UBE3C: variants seen among roughly 807,000 people sequenced by gnomAD.
UBE3C encodes the protein ubiquitin protein ligase E3C.
UBE3C carries 42 observed loss-of-function variants against 129.4 expected under a neutral mutation model. The observed-to-expected ratio is 0.32, with a 90% confidence interval of 0.25 to 0.42. The LOEUF (loss-of-function observed/expected upper bound fraction) is 0.42, where lower values mean the gene tolerates loss of function less well. Among genes scored for constraint, UBE3C ranks in the 10% least tolerant of loss-of-function variants. The pLI, the probability that UBE3C is intolerant of heterozygous loss-of-function variation, is 1.00. For synonymous variants in UBE3C, 510 were observed against 492.4 expected (o/e 1.04, Z -0.47); for missense variants, 1,049 against 1,319.1 (o/e 0.80, Z 3.17).
intron 1 of UBE3C, among the ~76,000 whole-genome samples, chr7:157,140,828 C>A (rs1006834851): frequency 6.6e-6 from 1 of 152,196 alleles, no homozygotes; most frequent in African/African-American, 2.4e-5. Context: ...GGGAAGATAG[C>A]ACGAGCTGTG....
chr7:157,152,495 A>G (rs1807784653), intron 1 of UBE3C, among the ~76,000 whole-genome samples: 2 of 151,968 alleles, frequency 1.3e-5, no homozygotes, highest in Admixed American at 1.3e-4. Flanking sequence ...TCTTTTAAGG[A>G]TGTTTGTGTT....
chr7:157,201,798 T>C lies in UBE3C; in HGVS notation c.1409T>C (p.Met470Thr), dbSNP rs1399144136. Residue 470 changes from methionine to threonine, a missense_variant, in exon 11 of 23, where the codon ATG becomes ACG. Met to Thr is a moderately conservative substitution (Grantham distance 81, BLOSUM62 -1). Coordinates refer to ENST00000348165, the MANE Select transcript of UBE3C (RefSeq NM_014671.3). Reference sequence around the variant, plus strand: ...CTAATATCTTCCATGTCAACACGGATGATCACAGGGTATGTATTATACAGA... The same window carrying C: ...CTAATATCTTCCATGTCAACACGGACGATCACAGGGTATGTATTATACAGA... ...WFLISSMSTR[M>T]ITGSMVPLLQ... 1.2e-6 allele frequency: 2 copies of C among 1,609,956 alleles called. No individual in the cohort carries two copies. Among genetic ancestry groups the C allele is most frequent in the African/African-American group, 1.3e-5 (1 of 74,816 alleles).
At chr7:157,242,764 A>T (rs1172794865) in intron 18 of UBE3C, among the ~76,000 whole-genome samples, 3 of 152,102 alleles carry the variant, frequency 2.0e-5, no homozygotes, top group Non-Finnish European at 2.9e-5. Flanking sequence ...GAGGAAAAAA[A>T]GGAAGGGTCG....
At chr7:157,148,277 A>G (rs190141955) in intron 1 of UBE3C, among the ~76,000 whole-genome samples, 2 of 151,854 alleles carry the variant, frequency 1.3e-5, no homozygotes, top group African/African-American at 4.8e-5. Context: ...ATTTTTTTGT[A>G]TTTTTAGTAG....
At chr7:157,155,864 G>A (rs545753814) in intron 1 of UBE3C, among the ~76,000 whole-genome samples, 1 of 151,926 alleles carries the variant, frequency 6.6e-6, no homozygotes, top group Non-Finnish European at 1.5e-5. Context: ...ACAGCAGGGA[G>A]CGTGCACGCT....
chr7:157,180,481 C>A (rs556154078), intron 6 of UBE3C, among the ~76,000 whole-genome samples: 1 of 152,194 alleles, frequency 6.6e-6, no homozygotes, highest in Non-Finnish European at 1.5e-5. Flanking sequence ...TGATAAAGTA[C>A]TGAGTATGCA....
At chr7:157,184,889 A>G (rs1212044917) in intron 9 of UBE3C, among the ~76,000 whole-genome samples, 1 of 152,176 alleles carries the variant, frequency 6.6e-6, no homozygotes, top group African/African-American at 2.4e-5. Context: ...GGAACAGAAG[A>G]TATTCACTGC....
chr7:157,211,257 A>T (rs1271752116), intron 13 of UBE3C, among the ~76,000 whole-genome samples: 1 of 151,688 alleles, frequency 6.6e-6, no homozygotes, highest in Non-Finnish European at 1.5e-5. Context: ...AGTTCCAAAA[A>T]GCTATTTTTA....
intron 13 of UBE3C, among the ~76,000 whole-genome samples, chr7:157,216,102 C>G (rs1258454443): frequency 6.6e-6 from 1 of 152,142 alleles, no homozygotes; most frequent in African/African-American, 2.4e-5. Flanking sequence ...AGATCAGACT[C>G]GATTTTTCTG....
At chr7:157,204,391 T>A (rs1343229214) in intron 11 of UBE3C, among the ~76,000 whole-genome samples, 1 of 106,486 alleles carries the variant, frequency 9.4e-6, no homozygotes, top group Admixed American at 1.1e-4. Flanking sequence ...AGAGGGAAAC[T>A]TTGTTTCAAA....
At chr7:157,184,571 C>CT (rs1235216859) in intron 9 of UBE3C, among the ~76,000 whole-genome samples, 2 of 152,074 alleles carry the variant, frequency 1.3e-5, no homozygotes, top group African/African-American at 2.4e-5. Flanking sequence ...CCGCCAATGA[C>CT]TTTTTTTGGT....
At chr7:157,250,842 C>T (rs141156169) in intron 19 of UBE3C, among the ~76,000 whole-genome samples, 408 of 152,280 alleles carry the variant, frequency 2.7e-3, no homozygotes, top group Non-Finnish European at 4.5e-3. Context: ...AGCCTTCGGA[C>T]GGTGAGTGTT....
At chr7:157,145,690 C>T (rs1807585561) in intron 1 of UBE3C, among the ~76,000 whole-genome samples, 1 of 152,156 alleles carries the variant, frequency 6.6e-6, no homozygotes, top group Non-Finnish European at 1.5e-5. Flanking sequence ...TCACTTAGTA[C>T]TATGCATTTA....
At position 157,139,221 on chromosome 7, in the gene UBE3C, C is replaced by T. The variant is rs1483640160; in HGVS notation, c.-52C>T. ...CTCCCAGCCCGCCCCGTGCCCCGCC[C>T]GCCCGGCTGCTTCCGCGGCGGCGCT... On this transcript the variant is annotated 5_prime_UTR_variant, in exon 1 of 23. Coordinates refer to ENST00000348165, the MANE Select transcript of UBE3C (RefSeq NM_014671.3). 7.3e-6 allele frequency: 10 copies of T among 1,371,454 alleles called. No individual in the cohort carries two copies. The highest frequency in any genetic ancestry group is 9.5e-6 in the Non-Finnish European group (10 of 1,053,712). The allele number at this position is 1,371,454 out of a possible 1,614,324, so 85.0% of individuals were successfully genotyped here.
At chr7:157,187,625 G>T (rs1399924097) in intron 10 of UBE3C, among the ~76,000 whole-genome samples, 1 of 151,678 alleles carries the variant, frequency 6.6e-6, no homozygotes, top group Non-Finnish European at 1.5e-5. Context: ...GCCCAGGCTG[G>T]AGTGCAGTGG....
At chr7:157,226,662 T>C (rs1795887099) in intron 17 of UBE3C, among the ~76,000 whole-genome samples, 1 of 152,092 alleles carries the variant, frequency 6.6e-6, no homozygotes, top group Non-Finnish European at 1.5e-5. Context: ...AATTTTATCA[T>C]AATGTTGGAA....
rs762956213 is a variant in UBE3C at position 157,170,391 on chromosome 7, A to G, written c.283A>G (p.Thr95Ala). 19 of 1,574,752 alleles carry G rather than the reference A, an allele frequency of 1.2e-5. No individual in the cohort carries two copies. In the African/African-American group the frequency reaches 1.7e-4, roughly 14 times the overall value. Residue 95 changes from threonine to alanine, a missense_variant, in exon 4 of 23, where the codon ACC becomes GCC. By Grantham distance (58) the Thr-to-Ala change is moderately conservative (BLOSUM62 0). Transcript: ENST00000348165. ...TCCCATTGCTAATGGCCCCAACCTT[A>G]CCCTTTTGGTAAGGCAGCTTCTGTT... ...AFPIANGPNL[T>A]LLVRQLLFFY...
chr7:157,189,065 A>G (rs549955944), intron 10 of UBE3C: 3 of 426,314 alleles, frequency 7.0e-6, no homozygotes, highest in African/African-American at 4.0e-5. Flanking sequence ...GGCTTTTCCT[A>G]TAAGAAGGAT....
Position 157,251,539 on chromosome 7 carries a change from C to T in UBE3C, c.2695-2415C>T, listed in dbSNP as rs150810026. 4.9e-4 allele frequency among the ~76,000 whole-genome samples: 75 copies of T among 152,218 alleles called. No homozygotes were observed. In the South Asian group the frequency reaches 8.5e-3, roughly 17 times the overall value. On this transcript the variant is annotated intron_variant, in intron 19 of 22. Transcript: ENST00000348165. ...CACAAGACCCCTTCCTCATCTCAGA[C>T]GGGTGTGAGTGCCGGAGGATGAAAT...
Sources: allele counts gnomAD v4.1 joint callset (sites outside exome capture counted in the v4.1 genomes callset), GRCh38; gene constraint gnomAD v4.1.1; transcripts MANE v1.5; gene names NCBI Gene and HGNC (gene_info 2026-07-23, HGNC 2026-07-21).